Variants in GSTCD observed in about 807,000 individuals in gnomAD.
The protein encoded by GSTCD is glutathione S-transferase C-terminal domain containing.
Under a neutral mutation model 68.3 loss-of-function variants are expected in GSTCD, and 44 were observed. That is an observed-to-expected ratio of 0.64 (90% CI 0.51 to 0.83). GSTCD has a LOEUF of 0.83. Among genes scored for constraint, GSTCD ranks in the 40% least tolerant of loss-of-function variants. The pLI is 0.00. For missense variants in GSTCD, 739 were observed against 735.9 expected (o/e 1.00, Z -0.05); for synonymous variants, 273 against 255.2 (o/e 1.07, Z -0.67).
chr4:105,742,516 C>T (rs968184563), intron 5 of GSTCD, among the ~76,000 whole-genome samples: 1 of 152,146 alleles, frequency 6.6e-6, no homozygotes, highest in Non-Finnish European at 1.5e-5. Flanking sequence ...TTGGTTGCAT[C>T]ATCTGCGGAA....
rs77992683 is a variant in GSTCD at position 105,751,350 on chromosome 4, T to A, written c.1240+21851T>A. Reference sequence around the variant, plus strand: ...TATTGAAATACTTCTCAGCTCACCTTTTTTCAAACAGAAGAATTGGGGAGA... The same window carrying A: ...TATTGAAATACTTCTCAGCTCACCTATTTTCAAACAGAAGAATTGGGGAGA... On this transcript the variant is annotated intron_variant, in intron 5 of 11. Transcript: ENST00000515279. Among the ~76,000 whole-genome samples, 1,264 of 152,280 alleles carry A rather than the reference T, an allele frequency of 8.3e-3. 10 individuals carry two copies. Among genetic ancestry groups the A allele is most frequent in the Middle Eastern group, 0.027 (8 of 294 alleles).
intron 1 of GSTCD, among the ~76,000 whole-genome samples, chr4:105,715,340 C>A (rs1213799054): frequency 6.6e-6 from 1 of 152,004 alleles, no homozygotes; most frequent in Non-Finnish European, 1.5e-5. Flanking sequence ...TTAATAAATA[C>A]CTTTTTGTTT....
chr4:105,761,536 AG>A (rs1734411145), intron 5 of GSTCD: 1 of 152,206 alleles, frequency 6.6e-6, no homozygotes, highest in Non-Finnish European at 1.5e-5. Context: ...TTAAATATAA[AG>A]CAATGTTTGG....
chr4:105,731,556 G>T (rs1345007410), intron 5 of GSTCD, among the ~76,000 whole-genome samples: 11 of 152,206 alleles, frequency 7.2e-5, no homozygotes. Flanking sequence ...AAGAATGCTT[G>T]TGATTTTTGC....
intron 8 of GSTCD, among the ~76,000 whole-genome samples, chr4:105,833,407 G>A (rs1243875934): frequency 6.6e-6 from 1 of 151,810 alleles, no homozygotes; most frequent in Non-Finnish European, 1.5e-5. Context: ...AGGTTGCAGT[G>A]AGCCGAGGTT....
intron 5 of GSTCD, among the ~76,000 whole-genome samples, chr4:105,731,767 T>C (rs868211055): frequency 6.6e-6 from 1 of 152,186 alleles, no homozygotes; most frequent in African/African-American, 2.4e-5. Flanking sequence ...CCCTGTCTTG[T>C]GCCAGTTTTC....
intron 5 of GSTCD, among the ~76,000 whole-genome samples, chr4:105,736,365 G>T (rs1733464234): frequency 6.6e-6 from 1 of 152,050 alleles, no homozygotes; most frequent in African/African-American, 2.4e-5. Context: ...TACAGAAAGG[G>T]ATTATATTTG....
chr4:105,732,785 G>T lies in GSTCD; in HGVS notation c.1240+3286G>T, dbSNP rs184540398. Among the ~76,000 whole-genome samples, 1,427 of 152,158 alleles carry T rather than the reference G, an allele frequency of 9.4e-3. 15 individuals are homozygous for T. Among genetic ancestry groups the T allele is most frequent in the Admixed American group, 0.029 (443 of 15,294 alleles). ...CTAGTTCTTTTAATTGTGATGTTAG[G>T]ATGTCAATTTTAGATCTTTCCTGCT... On this transcript the variant is annotated intron_variant, in intron 5 of 11. Transcript: ENST00000515279.
At chr4:105,832,794 G>A (rs1335339546) in intron 8 of GSTCD, among the ~76,000 whole-genome samples, 1 of 152,166 alleles carries the variant, frequency 6.6e-6, no homozygotes, top group African/African-American at 2.4e-5. Flanking sequence ...TCCCTCCAGG[G>A]GAAGATGTGT....
intron 5 of GSTCD, among the ~76,000 whole-genome samples, chr4:105,733,780 C>T (rs1052787357): frequency 2.6e-5 from 4 of 152,140 alleles, no homozygotes; most frequent in Non-Finnish European, 4.4e-5. Flanking sequence ...TCTTCCTAGC[C>T]TGGATGTTCT....
At chr4:105,772,195 G>T (rs534213309) in intron 5 of GSTCD, among the ~76,000 whole-genome samples, 21 of 152,260 alleles carry the variant, frequency 1.4e-4, no homozygotes, top group African/African-American at 5.1e-4. Context: ...CAATGCTTGT[G>T]ATTTTTGCAC....
intron 9 of GSTCD, among the ~76,000 whole-genome samples, chr4:105,835,761 C>G (rs1325638155): frequency 6.6e-6 from 1 of 152,100 alleles, no homozygotes; most frequent in Non-Finnish European, 1.5e-5. Context: ...GAGTTCTTGT[C>G]CCAAATCGAG....
rs1420014291 is a variant in GSTCD, at chr4:105,736,516, T to A, written c.1240+7017T>A. On this transcript the variant is annotated intron_variant, in intron 5 of 11. Transcript: ENST00000515279. ...TGCATATTTTTGGGGAACAGTATGA[T>A]ATTTTGATACATGTATGCAATGCAT... Among the ~76,000 whole-genome samples the A allele has an allele frequency of 2.0e-5, 3 of 152,224 alleles. No homozygotes were observed. The East Asian group carries it at 5.8e-4, about 29-fold the overall frequency.
intron 5 of GSTCD, among the ~76,000 whole-genome samples, chr4:105,749,509 A>G (rs1733932781): frequency 6.6e-6 from 1 of 152,014 alleles, no homozygotes; most frequent in Non-Finnish European, 1.5e-5. Flanking sequence ...TAATAAAACA[A>G]TAAAACAGAA....
chr4:105,771,132 G>GT (rs1327601996), intron 5 of GSTCD, among the ~76,000 whole-genome samples: 2 of 151,776 alleles, frequency 1.3e-5, no homozygotes, highest in Non-Finnish European at 1.5e-5. Flanking sequence ...GTGATGATGA[G>GT]TTTTTTTTCC....
intron 5 of GSTCD, among the ~76,000 whole-genome samples, chr4:105,743,711 T>C (rs968775306): frequency 7.2e-6 from 1 of 138,640 alleles, no homozygotes; most frequent in African/African-American, 2.8e-5. Context: ...CAGGCTGGAG[T>C]GCGGTGGCAC....
In GSTCD at chr4:105,779,907, C is replaced by A. The variant is rs141146822; in HGVS notation, c.1241-43047C>A. Among the ~76,000 whole-genome samples the A allele has an allele frequency of 1.0e-3, 153 of 152,252 alleles. 3 individuals are homozygous for A. The South Asian group carries it at 0.031, about 31-fold the overall frequency. On this transcript the variant is annotated intron_variant, in intron 5 of 11. Transcript: ENST00000515279. Reference sequence around the variant, plus strand: ...TTTTAAGTCAGAATTAATTTTAAATCAACAGTGCTCTTTTATATAGAAAGA... The same window carrying A: ...TTTTAAGTCAGAATTAATTTTAAATAAACAGTGCTCTTTTATATAGAAAGA...
chr4:105,771,731 A>C (rs1429359550), intron 5 of GSTCD, among the ~76,000 whole-genome samples: 1 of 151,980 alleles, frequency 6.6e-6, no homozygotes, highest in African/African-American at 2.4e-5. Context: ...TCGTCTATAT[A>C]TCTGTTTTGG....
intron 8 of GSTCD, among the ~76,000 whole-genome samples, chr4:105,826,587 C>A (rs1723625958): frequency 6.6e-6 from 1 of 152,004 alleles, no homozygotes; most frequent in Non-Finnish European, 1.5e-5. Context: ...TATATTTATG[C>A]ACGCATATAA....
Sources: gnomAD v4.1 joint callset for allele counts (sites outside exome capture counted in the v4.1 genomes callset) on GRCh38, gnomAD v4.1.1 for gene constraint, MANE v1.5 for transcripts, NCBI Gene and HGNC (gene_info 2026-07-23, HGNC 2026-07-21) for gene names.